The following GNAO1 variants were observed in gnomAD, a reference collection of about 807,000 sequenced individuals.
The protein encoded by GNAO1 is guanine nucleotide-binding protein G(o) subunit alpha.
For missense variants in GNAO1, 166 were observed against 478.7 expected (o/e 0.35, Z 6.10); for synonymous variants, 164 against 180.7 (o/e 0.91, Z 0.74).
intron 2 of GNAO1, among the ~76,000 whole-genome samples, chr16:56,259,152 G>A (rs1375528480): frequency 2.0e-5 from 3 of 152,200 alleles, no homozygotes; most frequent in Non-Finnish European, 4.4e-5. Flanking sequence ...TTCAGAGGGT[G>A]TGGATAGCAC....
At chr16:56,316,222 G>A (rs1408221079) in intron 3 of GNAO1, among the ~76,000 whole-genome samples, 2 of 152,116 alleles carry the variant, frequency 1.3e-5, no homozygotes, top group South Asian at 2.1e-4. Context: ...AGGAGCCCAC[G>A]CCACACAGAA....
chr16:56,229,257 T>C (rs142080291), intron 2 of GNAO1, among the ~76,000 whole-genome samples: 2,641 of 152,316 alleles, frequency 0.017, 47 homozygotes, highest in South Asian at 0.052. Flanking sequence ...CAGGCTGGAG[T>C]GCAGTGGCAT....
At chr16:56,334,647 A>G in intron 4 of GNAO1, 82 bp from the exon 5 acceptor site, 1 of 1,453,478 alleles carries the variant, frequency 6.9e-7, no homozygotes, top group South Asian at 1.2e-5. Context: ...CCGAGACTGG[A>G]CTCTGAAGAT....
chr16:56,238,821 A>G (rs931302206), intron 2 of GNAO1, among the ~76,000 whole-genome samples: 3 of 152,262 alleles, frequency 2.0e-5, no homozygotes, highest in African/African-American at 4.8e-5. Context: ...CTATATTTCT[A>G]TTACTCAGAG....
At chr16:56,266,889 G>C (rs1407056328) in intron 2 of GNAO1, among the ~76,000 whole-genome samples, 4 of 152,152 alleles carry the variant, frequency 2.6e-5, no homozygotes, top group African/African-American at 7.2e-5. Flanking sequence ...AATAAACAAA[G>C]GAAAGAGTGG....
At chr16:56,312,121 G>T (rs2037465149) in intron 3 of GNAO1, among the ~76,000 whole-genome samples, 1 of 152,106 alleles carries the variant, frequency 6.6e-6, no homozygotes, top group Non-Finnish European at 1.5e-5. Context: ...TCCTACTCAC[G>T]GGCCTCCATT....
rs1189763631 is a variant in GNAO1, at chr16:56,357,017, C to G, written c.*943C>G. ...CATGTGGGGATGTTTGTGCTGCAGA[C>G]AAAAAGAACAAAAAAAAATTTTTAA... On this transcript the variant is annotated 3_prime_UTR_variant, in exon 9 of 9. Coordinates refer to ENST00000262493, the MANE Select transcript of GNAO1 (RefSeq NM_020988.3). 2 of 135,464 alleles carry G rather than the reference C, an allele frequency of 1.5e-5. No individual in the cohort carries two copies. The highest frequency in any genetic ancestry group is 4.2e-4 in the East Asian group (2 of 4,750). 8.4% of individuals were successfully genotyped at this position (135,464 alleles called of 1,614,324 possible).
chr16:56,205,741 A>T (rs576609821), intron 2 of GNAO1, among the ~76,000 whole-genome samples: 37 of 152,354 alleles, frequency 2.4e-4, no homozygotes, highest in African/African-American at 8.9e-4. Context: ...CTTTACTAAG[A>T]TAGACAAGCT....
At chr16:56,242,094 T>C (rs373735937) in intron 2 of GNAO1, among the ~76,000 whole-genome samples, 1 of 152,232 alleles carries the variant, frequency 6.6e-6, no homozygotes, top group South Asian at 2.1e-4. Flanking sequence ...GAAATGCTAA[T>C]AGCAAACATG....
chr16:56,247,489 T>TA (rs2036758815), intron 2 of GNAO1, among the ~76,000 whole-genome samples: 2 of 151,130 alleles, frequency 1.3e-5, no homozygotes, highest in South Asian at 4.2e-4. Context: ...GAGGTTTTTT[T>TA]TTTTTTTTTT....
chr16:56,271,251 CCTAT>C (rs1316541301), intron 2 of GNAO1: 1 of 152,184 alleles, frequency 6.6e-6, no homozygotes, highest in Non-Finnish European at 1.5e-5. Context: ...AGTGGCCTAA[CCTAT>C]CTGAGCCTCA....
intron 2 of GNAO1, among the ~76,000 whole-genome samples, chr16:56,236,080 C>T (rs2036634821): frequency 6.6e-6 from 1 of 152,198 alleles, no homozygotes; most frequent in Admixed American, 6.5e-5. Flanking sequence ...TTCTTGGTTT[C>T]ACTTCTCAGG....
intron 2 of GNAO1, chr16:56,271,198 C>T (rs1421814626): frequency 6.6e-6 from 1 of 152,172 alleles, no homozygotes; most frequent in African/African-American, 2.4e-5. Context: ...AAGGAGAAGC[C>T]CTGCCTTTCA....
At chr16:56,338,694 G>T (rs931525399) in intron 6 of GNAO1, among the ~76,000 whole-genome samples, 1 of 152,352 alleles carries the variant, frequency 6.6e-6, no homozygotes, top group South Asian at 2.1e-4. Context: ...CAGGCCCACC[G>T]GCCATGGGGC....
At chr16:56,310,769 G>C (rs1050853348) in intron 3 of GNAO1, among the ~76,000 whole-genome samples, 1 of 152,102 alleles carries the variant, frequency 6.6e-6, no homozygotes. Context: ...AAAATGTTTC[G>C]TGGTTCAGAT....
chr16:56,208,619 T>C (rs2036355261), intron 2 of GNAO1, among the ~76,000 whole-genome samples: 1 of 152,226 alleles, frequency 6.6e-6, no homozygotes. Context: ...TCTGTTATTA[T>C]AAATTCTTGC....
chr16:56,261,821 G>C (rs1318397980), intron 2 of GNAO1, among the ~76,000 whole-genome samples: 1 of 152,186 alleles, frequency 6.6e-6, no homozygotes, highest in Non-Finnish European at 1.5e-5. Context: ...AGATCAGCAA[G>C]TCTGTGTGAC....
chr16:56,236,746 A>G (rs1332344525), intron 2 of GNAO1, among the ~76,000 whole-genome samples: 4 of 152,236 alleles, frequency 2.6e-5, no homozygotes, highest in Non-Finnish European at 4.4e-5. Flanking sequence ...TGTAATCGCC[A>G]AATACCTATG....
At chr16:56,293,472 T>C (rs2037252680) in intron 3 of GNAO1, among the ~76,000 whole-genome samples, 1 of 152,192 alleles carries the variant, frequency 6.6e-6, no homozygotes, top group Non-Finnish European at 1.5e-5. Context: ...CCTTCTGATA[T>C]GAACATGCAT....
Sources: allele counts gnomAD v4.1 joint callset (sites outside exome capture counted in the v4.1 genomes callset), GRCh38; gene constraint gnomAD v4.1.1; transcripts MANE v1.5; gene names NCBI Gene and HGNC (gene_info 2026-07-23, HGNC 2026-07-21).